The following FAM227B variants were observed in gnomAD, a reference collection of about 807,000 sequenced individuals.
FAM227B encodes protein FAM227B.
FAM227B carries 88 observed loss-of-function variants against 73.8 expected under a neutral mutation model. That is an observed-to-expected ratio of 1.19 (90% CI 1.00 to 1.42). The LOEUF (loss-of-function observed/expected upper bound fraction) is 1.42. Among genes scored for constraint, FAM227B ranks in the 40% most tolerant of loss-of-function variants. The pLI, the probability that FAM227B is intolerant of heterozygous loss-of-function variation, is 0.00. For synonymous variants in FAM227B, 210 were observed against 190.5 expected (o/e 1.10, Z -0.84); for missense variants, 632 against 590.9 (o/e 1.07, Z -0.72).
chr15:49,345,712 C>A (rs999166891), intron 13 of FAM227B, among the ~76,000 whole-genome samples: 3 of 152,210 alleles, frequency 2.0e-5, no homozygotes, highest in South Asian at 2.1e-4. Flanking sequence ...TTTTCTGGGA[C>A]TTCACAACAG....
At chr15:49,329,753 C>T (rs1456246002) in intron 15 of FAM227B, 12 of 972,428 alleles carry the variant, frequency 1.2e-5, no homozygotes, top group African/African-American at 1.8e-5. Context: ...GTGCCATTTT[C>T]CACAAAGGAT....
At chr15:49,403,902 A>G (rs2151646343) in intron 11 of FAM227B, among the ~76,000 whole-genome samples, 1 of 152,254 alleles carries the variant, frequency 6.6e-6, no homozygotes, top group Admixed American at 6.5e-5. Flanking sequence ...ATTTAGTCCT[A>G]TACATTTCCC....
At chr15:49,357,447 C>G (rs201387138) in intron 13 of FAM227B, among the ~76,000 whole-genome samples, 61,572 of 149,062 alleles carry the variant, frequency 0.41, 12,593 homozygotes, top group African/African-American at 0.43. Flanking sequence ...TCAGAGAATA[C>G]TACAAACACC....
chr15:49,581,149 A>T (rs915349160), intron 5 of FAM227B, among the ~76,000 whole-genome samples: 2 of 152,170 alleles, frequency 1.3e-5, no homozygotes, highest in Non-Finnish European at 2.9e-5. Context: ...ACTATACAAG[A>T]TGACCATCCA....
chr15:49,548,319 C>T (rs1164678028), intron 9 of FAM227B, among the ~76,000 whole-genome samples: 4 of 152,106 alleles, frequency 2.6e-5, no homozygotes, highest in African/African-American at 9.7e-5. Flanking sequence ...CAATGTATTA[C>T]ATTGATTGAT....
chr15:49,581,629 C>G (rs1305499962), intron 5 of FAM227B, among the ~76,000 whole-genome samples: 1 of 152,040 alleles, frequency 6.6e-6, no homozygotes, highest in Non-Finnish European at 1.5e-5. Flanking sequence ...ATTCAGTATT[C>G]TTAAAGAAAA....
intron 11 of FAM227B, among the ~76,000 whole-genome samples, chr15:49,409,144 T>C (rs2048711688): frequency 1.3e-5 from 2 of 152,118 alleles, no homozygotes; most frequent in Admixed American, 1.3e-4. Context: ...GAGATGAGTA[T>C]GCTTTCTTTC....
chr15:49,494,204 T>TA (rs1447266411), intron 11 of FAM227B, among the ~76,000 whole-genome samples: 2 of 150,256 alleles, frequency 1.3e-5, no homozygotes, highest in African/African-American at 4.9e-5. Flanking sequence ...ATGCATATAT[T>TA]AAACAACTGC....
intron 1 of FAM227B, among the ~76,000 whole-genome samples, chr15:49,617,515 TA>T (rs1172158644): frequency 1.3e-5 from 2 of 152,076 alleles, no homozygotes; most frequent in Non-Finnish European, 2.9e-5. Context: ...AATCAGAGGA[TA>T]AAAAAACAAT....
intron 10 of FAM227B, among the ~76,000 whole-genome samples, chr15:49,518,228 T>C (rs967669495): frequency 1.3e-5 from 2 of 152,218 alleles, no homozygotes; most frequent in Admixed American, 1.3e-4. Context: ...AAAATTATTG[T>C]ATTAACCTGC....
intron 11 of FAM227B, among the ~76,000 whole-genome samples, chr15:49,506,472 GA>G (rs1196083270): frequency 6.6e-6 from 1 of 151,894 alleles, no homozygotes; most frequent in African/African-American, 2.4e-5. Flanking sequence ...ATCTAATTGA[GA>G]TTTTTTTTAA....
At chr15:49,518,601 G>A (rs973172888) in intron 10 of FAM227B, among the ~76,000 whole-genome samples, 6 of 152,070 alleles carry the variant, frequency 3.9e-5, no homozygotes, top group South Asian at 2.1e-4. Context: ...GAATGATCAC[G>A]TTCAGGGGAA....
At chr15:49,345,956 C>T (rs1176264404) in intron 13 of FAM227B, among the ~76,000 whole-genome samples, 7 of 151,988 alleles carry the variant, frequency 4.6e-5, no homozygotes, top group African/African-American at 1.5e-4. Flanking sequence ...AAATTTCGTA[C>T]TTATCTGCCA....
chr15:49,569,341 G>GT (rs1241784916), intron 8 of FAM227B, among the ~76,000 whole-genome samples: 1 of 150,760 alleles, frequency 6.6e-6, no homozygotes, highest in Non-Finnish European at 1.5e-5. Context: ...TTTTTTTTCT[G>GT]TTTTTCTATT....
intron 11 of FAM227B, chr15:49,488,226 T>C (rs1342284878): frequency 6.6e-6 from 1 of 151,966 alleles, no homozygotes; most frequent in East Asian, 1.9e-4. Context: ...TAATATGAAA[T>C]AGCTCATTAA....
At chr15:49,351,923 G>A (rs1002788360) in intron 13 of FAM227B, among the ~76,000 whole-genome samples, 2 of 152,074 alleles carry the variant, frequency 1.3e-5, no homozygotes, top group South Asian at 4.2e-4. Context: ...AAAAACTTAG[G>A]GGCATAAAGC....
intron 11 of FAM227B, among the ~76,000 whole-genome samples, chr15:49,413,560 T>G (rs1048333711): frequency 6.6e-5 from 10 of 152,132 alleles, no homozygotes; most frequent in African/African-American, 2.4e-4. Context: ...ATATAATCTC[T>G]GACCTGTATT....
intron 11 of FAM227B, among the ~76,000 whole-genome samples, chr15:49,428,320 T>C (rs1480442908): frequency 6.6e-6 from 1 of 151,954 alleles, no homozygotes; most frequent in Non-Finnish European, 1.5e-5. Context: ...ATAATAAGAA[T>C]ACTAAAAGCA....
chr15:49,524,861 G>T (rs1057489060), intron 10 of FAM227B, among the ~76,000 whole-genome samples: 4 of 152,168 alleles, frequency 2.6e-5, no homozygotes, highest in African/African-American at 9.7e-5. Flanking sequence ...ACTTGCATGG[G>T]GTCCGTGGCC....
Sources: gnomAD v4.1 joint callset for allele counts (sites outside exome capture counted in the v4.1 genomes callset) on GRCh38, gnomAD v4.1.1 for gene constraint, MANE v1.5 for transcripts, NCBI Gene and HGNC (gene_info 2026-07-23, HGNC 2026-07-21) for gene names.